FMNL2: variants seen among roughly 807,000 people sequenced by gnomAD.
The protein encoded by FMNL2 is formin like 2, also known as formin-like protein 2.
A neutral mutation model predicts 130.2 loss-of-function variants in FMNL2; 51 were observed. The ratio of observed to expected loss-of-function variants is 0.39; its 90% confidence interval spans 0.31 to 0.49. FMNL2 has a LOEUF of 0.49. Among genes scored for constraint, FMNL2 ranks in the 20% least tolerant of loss-of-function variants. The pLI is 0.85. For missense variants in FMNL2, 977 were observed against 1,316.2 expected (o/e 0.74, Z 3.99); for synonymous variants, 465 against 467.1 (o/e 1.00, Z 0.06).
At chr2:152,548,592 C>T (rs185740778) in intron 3 of FMNL2, among the ~76,000 whole-genome samples, 4 of 152,238 alleles carry the variant, frequency 2.6e-5, no homozygotes, top group South Asian at 2.1e-4. Context: ...GTTTCCTGCA[C>T]GTTTTATCCT....
At chr2:152,416,285 G>C (rs1686609145) in intron 1 of FMNL2, among the ~76,000 whole-genome samples, 1 of 152,196 alleles carries the variant, frequency 6.6e-6, no homozygotes, top group Non-Finnish European at 1.5e-5. Context: ...GATACCTCCA[G>C]AGACAGGGCA....
At chr2:152,380,993 T>A (rs140903335) in intron 1 of FMNL2, among the ~76,000 whole-genome samples, 1,580 of 152,334 alleles carry the variant, frequency 0.01, 9 homozygotes, top group Middle Eastern at 0.051. Flanking sequence ...ATATAATGCC[T>A]AGGAATGGCT....
intron 15 of FMNL2, 107 bp downstream of exon 15, chr2:152,619,825 T>C: frequency 6.7e-7 from 1 of 1,501,046 alleles, no homozygotes; most frequent in South Asian, 1.3e-5. Context: ...ATGATGTGTA[T>C]CTCTTCCTAG....
At chr2:152,595,709 A>G (rs745582485) in intron 9 of FMNL2, among the ~76,000 whole-genome samples, 14 of 152,090 alleles carry the variant, frequency 9.2e-5, no homozygotes, top group Non-Finnish European at 1.9e-4. Flanking sequence ...AACTTTGAGG[A>G]ATGTGTGTTC....
intron 1 of FMNL2, among the ~76,000 whole-genome samples, chr2:152,440,380 C>T (rs1437059948): frequency 6.6e-6 from 1 of 152,184 alleles, no homozygotes; most frequent in Non-Finnish European, 1.5e-5. Context: ...TTGCAAAAAA[C>T]CAAAATCTCA....
intron 13 of FMNL2, among the ~76,000 whole-genome samples, chr2:152,617,850 C>T (rs1274715337): frequency 2.0e-5 from 3 of 152,046 alleles, no homozygotes; most frequent in Admixed American, 1.3e-4. Context: ...GCCTTTACAC[C>T]ACTGCTAATG....
chr2:152,624,261 G>A (rs554467737), intron 15 of FMNL2, among the ~76,000 whole-genome samples: 170 of 151,450 alleles, frequency 1.1e-3, no homozygotes, highest in Non-Finnish European at 7.2e-4. Context: ...GGGTTCAAGC[G>A]ATTCTCCTGC....
intron 9 of FMNL2, among the ~76,000 whole-genome samples, chr2:152,591,766 G>A (rs1017558195): frequency 6.6e-6 from 1 of 152,044 alleles, no homozygotes; most frequent in East Asian, 1.9e-4. Flanking sequence ...TGATCACACC[G>A]CTGCACTCCA....
At chr2:152,363,217 C>G (rs751893434) in intron 1 of FMNL2, among the ~76,000 whole-genome samples, 1 of 152,096 alleles carries the variant, frequency 6.6e-6, no homozygotes, top group African/African-American at 2.4e-5. Context: ...TGTTGTCCCC[C>G]CAAAACAAAA....
At chr2:152,392,301 T>C (rs1685157758) in intron 1 of FMNL2, among the ~76,000 whole-genome samples, 1 of 152,158 alleles carries the variant, frequency 6.6e-6, no homozygotes, top group Admixed American at 6.5e-5. Context: ...GACTTTGGGA[T>C]TGACTTTTCT....
intron 1 of FMNL2, among the ~76,000 whole-genome samples, chr2:152,358,361 C>A (rs1682960350): frequency 6.6e-6 from 1 of 152,048 alleles, no homozygotes; most frequent in South Asian, 2.1e-4. Context: ...GTCAATTCTG[C>A]TAATAAGGCC....
At chr2:152,448,266 G>T (rs1264771939) in intron 1 of FMNL2, among the ~76,000 whole-genome samples, 2 of 151,796 alleles carry the variant, frequency 1.3e-5, no homozygotes, top group African/African-American at 4.8e-5. Flanking sequence ...ACTGCTGAGT[G>T]TTTAAGTATT....
intron 2 of FMNL2, among the ~76,000 whole-genome samples, chr2:152,532,077 A>C (rs930827624): frequency 6.6e-6 from 1 of 152,174 alleles, no homozygotes; most frequent in Non-Finnish European, 1.5e-5. Context: ...AGAATTATGA[A>C]TGATATGTTT....
intron 15 of FMNL2, chr2:152,620,969 A>T (rs1412394952): frequency 2.0e-6 from 2 of 985,274 alleles, no homozygotes; most frequent in Admixed American, 6.1e-5. Context: ...TAGAACTTTT[A>T]TTACTTCTGA....
At chr2:152,433,123 A>T (rs1687584072) in intron 1 of FMNL2, among the ~76,000 whole-genome samples, 1 of 152,194 alleles carries the variant, frequency 6.6e-6, no homozygotes, top group Non-Finnish European at 1.5e-5. Context: ...TAGGCCACTT[A>T]ATTTTATATC....
intron 1 of FMNL2, among the ~76,000 whole-genome samples, chr2:152,409,986 G>A (rs543458716): frequency 6.6e-6 from 1 of 152,266 alleles, no homozygotes; most frequent in South Asian, 2.1e-4. Context: ...GAGACAAAAC[G>A]AGTAGGAAAA....
intron 9 of FMNL2, among the ~76,000 whole-genome samples, chr2:152,590,978 A>C: frequency 1.0e-5 from 1 of 97,050 alleles, no homozygotes; most frequent in Non-Finnish European, 2.2e-5. Flanking sequence ...TCCCTCTGAT[A>C]ACTTTTTTTT....
At chr2:152,474,734 G>A (rs954126355) in intron 1 of FMNL2, among the ~76,000 whole-genome samples, 7 of 151,924 alleles carry the variant, frequency 4.6e-5, no homozygotes, top group Middle Eastern at 3.2e-3. Flanking sequence ...CTTATTTCAC[G>A]TACCTGTTTA....
Position 152,619,525 on chromosome 2 carries a change from A to T in FMNL2, c.1644A>T (p.Val548=). ...CTTTGCTAGTGCAAAATGGTCCAGT[A>T]ACACCACCTATGCCACCGCCGCCGC... ...DTPETVQNGP[V]TPPMPPPPPP... The change falls in exon 15 of 26, where the codon GTA becomes GTT. Residue 548 remains valine (V), a synonymous_variant. Coordinates refer to ENST00000288670, the MANE Select transcript of FMNL2 (RefSeq NM_052905.4). The T allele has an allele frequency of 6.5e-7, 1 of 1,548,710 alleles. No homozygotes were observed. Among genetic ancestry groups the T allele is most frequent in the Non-Finnish European group, 8.7e-7 (1 of 1,146,734 alleles).
Sources: gnomAD v4.1 joint callset for allele counts (sites outside exome capture counted in the v4.1 genomes callset) on GRCh38, gnomAD v4.1.1 for gene constraint, MANE v1.5 for transcripts, NCBI Gene and HGNC (gene_info 2026-07-23, HGNC 2026-07-21) for gene names.